IRAK1BP1: variants seen among roughly 807,000 people sequenced by gnomAD.
IRAK1BP1 encodes interleukin 1 receptor associated kinase 1 binding protein 1.
In IRAK1BP1, 24 loss-of-function variants were observed where a neutral mutation model predicts 28.0. The observed-to-expected ratio is 0.86, with a 90% confidence interval of 0.62 to 1.20. IRAK1BP1 has a LOEUF of 1.20. IRAK1BP1 is among the 50% of genes most tolerant of loss of function. IRAK1BP1 has a pLI of 0.00. For missense variants in IRAK1BP1, 336 were observed against 316.7 expected (o/e 1.06, Z -0.46); for synonymous variants, 131 against 116.3 (o/e 1.13, Z -0.81).
chr6:78,970,804 G>T, the IRAK1BP1 span: 19 of 1,607,504 alleles, frequency 1.2e-5, no homozygotes, highest in Non-Finnish European at 1.6e-5. Flanking sequence ...TTATGCCATG[G>T]TTGTTTTTTG....
intron 1 of IRAK1BP1, among the ~76,000 whole-genome samples, chr6:78,875,883 AT>A (rs1400259677): frequency 3.5e-4 from 54 of 152,192 alleles, no homozygotes; most frequent in African/African-American, 1.2e-3. Context: ...AAAAATATAT[AT>A]ATTGAATAGA....
intron 4 of IRAK1BP1, among the ~76,000 whole-genome samples, chr6:78,916,389 C>G (rs576619556): frequency 2.6e-5 from 4 of 151,932 alleles, no homozygotes; most frequent in African/African-American, 4.8e-5. Flanking sequence ...CTTAGAGTTG[C>G]ATTTGGAGTA....
the IRAK1BP1 span, among the ~76,000 whole-genome samples, chr6:78,962,386 C>T: frequency 6.6e-6 from 1 of 152,086 alleles, no homozygotes; most frequent in Admixed American, 6.6e-5. Context: ...TACTTAATAT[C>T]CTAAAATATT....
chr6:78,879,742 C>CAGT (rs1385487853), intron 1 of IRAK1BP1, among the ~76,000 whole-genome samples: 1 of 151,998 alleles, frequency 6.6e-6, no homozygotes, highest in African/African-American at 2.4e-5. Flanking sequence ...ACATCAGAGT[C>CAGT]AGTAGTACAT....
chr6:78,933,428 C>T (rs1356618806), intron 4 of IRAK1BP1, among the ~76,000 whole-genome samples: 2 of 146,926 alleles, frequency 1.4e-5, no homozygotes, highest in Admixed American at 6.9e-5. Flanking sequence ...CCAGCCTGGC[C>T]ACCATGGTGA....
chr6:78,912,900 A>G (rs996163972), intron 4 of IRAK1BP1, among the ~76,000 whole-genome samples: 1 of 152,238 alleles, frequency 6.6e-6, no homozygotes, highest in African/African-American at 2.4e-5. Flanking sequence ...CTTATATACA[A>G]TATCTGCAAT....
Position 78,867,554 on chromosome 6 carries a change from A to G in IRAK1BP1, c.-23A>G, listed in dbSNP as rs560505776. On this transcript the variant is annotated 5_prime_UTR_variant, in exon 1 of 4. The change abolishes an upstream ATG in the 5' untranslated region. Transcript: ENST00000369940. Reference sequence around the variant, plus strand: ...CGGCCGCCGTCGGCCGGTAGTTACTATGGAAACCCAGCTGCCATCGCTATG... The same window carrying G: ...CGGCCGCCGTCGGCCGGTAGTTACTGTGGAAACCCAGCTGCCATCGCTATG... 5 of 1,606,944 alleles carry G rather than the reference A, an allele frequency of 3.1e-6. No homozygotes were observed. In the South Asian group the frequency reaches 3.3e-5, roughly 11 times the overall value.
chr6:78,976,648 G>A, the IRAK1BP1 span, among the ~76,000 whole-genome samples: 22 of 146,534 alleles, frequency 1.5e-4, no homozygotes, highest in Middle Eastern at 3.6e-3. Flanking sequence ...CTAATATCCA[G>A]AATCTACAAT....
chr6:78,970,187 A>G, the IRAK1BP1 span: 2 of 1,605,650 alleles, frequency 1.2e-6, no homozygotes, highest in Non-Finnish European at 1.7e-6. Context: ...AGAGAGACAG[A>G]GAATATAAGG....
chr6:78,912,614 A>C (rs1772456739), intron 4 of IRAK1BP1, among the ~76,000 whole-genome samples: 1 of 152,210 alleles, frequency 6.6e-6, no homozygotes, highest in South Asian at 2.1e-4. Flanking sequence ...AAATGTTGTC[A>C]ATAACAGGTT....
intron 4 of IRAK1BP1, among the ~76,000 whole-genome samples, chr6:78,914,036 G>T (rs1485951857): frequency 6.6e-6 from 1 of 152,112 alleles, no homozygotes; most frequent in Non-Finnish European, 1.5e-5. Context: ...CATATGATAT[G>T]TTCCAAAATG....
intron 1 of IRAK1BP1, among the ~76,000 whole-genome samples, chr6:78,881,366 G>A (rs1051548088): frequency 2.0e-5 from 3 of 152,158 alleles, no homozygotes; most frequent in Non-Finnish European, 4.4e-5. Flanking sequence ...ATCTGTTGGA[G>A]GGCAAAGTGG....
At chr6:78,955,035 CTTAGA>C in the IRAK1BP1 span, 1 of 1,067,510 alleles carries the variant, frequency 9.4e-7, no homozygotes, top group Non-Finnish European at 1.3e-6. Flanking sequence ...TTAATGTAGT[CTTAGA>C]TAATTGGGTA....
chr6:78,956,032 T>G, the IRAK1BP1 span: 1 of 158,718 alleles, frequency 6.3e-6, no homozygotes, highest in East Asian at 1.8e-4. Flanking sequence ...TCCTAAAATT[T>G]TGTTCTTAAC....
the IRAK1BP1 span, among the ~76,000 whole-genome samples, chr6:78,964,189 T>C: frequency 1.3e-5 from 2 of 152,172 alleles, no homozygotes; most frequent in African/African-American, 2.4e-5. Flanking sequence ...TAAGATATTT[T>C]ATAATTTTAA....
At chr6:78,887,616 A>G (rs1429640096) in intron 2 of IRAK1BP1, among the ~76,000 whole-genome samples, 2 of 152,168 alleles carry the variant, frequency 1.3e-5, no homozygotes, top group Non-Finnish European at 2.9e-5. Context: ...CAATGAGCCA[A>G]GATTGTGCCA....
rs560213924 is a variant in IRAK1BP1, at chr6:78,928,354, T to C, written c.*68-17054T>C. On this transcript the variant is annotated intron_variant and NMD_transcript_variant, in intron 4 of 4. Coordinates refer to the IRAK1BP1 transcript ENST00000606868. ...TACAGAAATGCTACTGATTTTTGTA[T>C]GTTGATTTTGTATCCTGCAACTTTA... 7.2e-5 allele frequency among the ~76,000 whole-genome samples: 11 copies of C among 152,302 alleles called. No homozygotes were observed. In the South Asian group the frequency reaches 2.1e-3, roughly 29 times the overall value.
the IRAK1BP1 span, among the ~76,000 whole-genome samples, chr6:78,964,148 A>G: frequency 0.11 from 16,149 of 152,228 alleles, 887 homozygotes; most frequent in Middle Eastern, 0.19. Context: ...AAACAAAAAC[A>G]TAAGCCATGT....
chr6:78,960,701 C>T, the IRAK1BP1 span, among the ~76,000 whole-genome samples: 1 of 151,976 alleles, frequency 6.6e-6, no homozygotes, highest in Non-Finnish European at 1.5e-5. Flanking sequence ...TTATGCTCCC[C>T]AGAAGACATG....
Sources: allele counts gnomAD v4.1 joint callset (sites outside exome capture counted in the v4.1 genomes callset), GRCh38; gene constraint gnomAD v4.1.1; transcripts MANE v1.5; gene names NCBI Gene and HGNC (gene_info 2026-07-23, HGNC 2026-07-21).